Variants in NLGN1 observed in about 807,000 individuals in gnomAD.
NLGN1 encodes the protein neuroligin-1.
In NLGN1, 12 loss-of-function variants were observed where a neutral mutation model predicts 65.5. That is an observed-to-expected ratio of 0.18 (90% CI 0.12 to 0.30). The LOEUF (loss-of-function observed/expected upper bound fraction) is 0.30. Among genes scored for constraint, NLGN1 ranks in the 10% least tolerant of loss-of-function variants. NLGN1 has a pLI of 1.00. For synonymous variants in NLGN1, 350 were observed against 359.5 expected (o/e 0.97, Z 0.30); for missense variants, 750 against 1,007.1 (o/e 0.74, Z 3.46).
At chr3:174,221,935 A>G (rs1402068086) in intron 4 of NLGN1, among the ~76,000 whole-genome samples, 1 of 152,088 alleles carries the variant, frequency 6.6e-6, no homozygotes, top group African/African-American at 2.4e-5. Context: ...TTCATTTTAT[A>G]AAGACATCTG....
chr3:173,708,721 G>A (rs965379347), intron 3 of NLGN1, among the ~76,000 whole-genome samples: 1 of 152,142 alleles, frequency 6.6e-6, no homozygotes, highest in Non-Finnish European at 1.5e-5. Context: ...CTGACGTACA[G>A]GACCCAGGGG....
chr3:174,151,227 C>T (rs1483558963), intron 4 of NLGN1, among the ~76,000 whole-genome samples: 1 of 152,010 alleles, frequency 6.6e-6, no homozygotes, highest in Non-Finnish European at 1.5e-5. Flanking sequence ...TCCTCACTTA[C>T]CCTCACTTTT....
chr3:173,626,796 T>C (rs887447973), intron 3 of NLGN1, among the ~76,000 whole-genome samples: 1 of 152,112 alleles, frequency 6.6e-6, no homozygotes, highest in African/African-American at 2.4e-5. Context: ...ACACCTTTTC[T>C]TCGGGAGATT....
chr3:173,778,274 G>T (rs190290270), intron 3 of NLGN1, among the ~76,000 whole-genome samples: 4 of 151,838 alleles, frequency 2.6e-5, no homozygotes, highest in Admixed American at 2.0e-4. Context: ...CTCTTTTTTA[G>T]TTGAAATTTA....
At chr3:174,152,087 T>A (rs1421553967) in intron 4 of NLGN1, among the ~76,000 whole-genome samples, 1 of 152,094 alleles carries the variant, frequency 6.6e-6, no homozygotes, top group East Asian at 1.9e-4. Context: ...CCAGAACAAG[T>A]CTGATATTTG....
At chr3:174,146,151 T>TTCCTC (rs1723230697) in intron 4 of NLGN1, among the ~76,000 whole-genome samples, 1 of 134,344 alleles carries the variant, frequency 7.4e-6, no homozygotes, top group African/African-American at 3.3e-5. Context: ...CTTCCTTCCT[T>TTCCTC]CCTCTCTCCC....
chr3:174,276,423 A>G (rs988425499), intron 5 of NLGN1, among the ~76,000 whole-genome samples: 1 of 151,910 alleles, frequency 6.6e-6, no homozygotes, highest in Non-Finnish European at 1.5e-5. Flanking sequence ...TTATTTATGT[A>G]TGATAGGAAG....
intron 4 of NLGN1, among the ~76,000 whole-genome samples, chr3:173,830,019 G>GGT (rs58524463): frequency 0.033 from 4,590 of 140,596 alleles, 323 homozygotes; most frequent in African/African-American, 0.12. Flanking sequence ...GGGGGGGGAG[G>GGT]GAGAGAATAA....
intron 4 of NLGN1, among the ~76,000 whole-genome samples, chr3:173,929,948 G>A (rs955460619): frequency 2.6e-5 from 4 of 151,766 alleles, no homozygotes; most frequent in Admixed American, 2.0e-4. Flanking sequence ...AGGTGGATCC[G>A]CCTGCCTCAG....
intron 2 of NLGN1, among the ~76,000 whole-genome samples, chr3:173,527,765 T>TA (rs1396804496): frequency 6.6e-6 from 1 of 152,184 alleles, no homozygotes; most frequent in African/African-American, 2.4e-5. Context: ...ATATTCTGGT[T>TA]ATTAACCCTC....
intron 4 of NLGN1, among the ~76,000 whole-genome samples, chr3:174,139,339 G>A (rs189212544): frequency 2.2e-3 from 328 of 152,084 alleles, no homozygotes; most frequent in Non-Finnish European, 3.8e-3. Flanking sequence ...GATTTTTCCA[G>A]GAAGACATAT....
At chr3:173,707,029 G>T (rs1768148526) in intron 3 of NLGN1, among the ~76,000 whole-genome samples, 1 of 152,100 alleles carries the variant, frequency 6.6e-6, no homozygotes, top group Non-Finnish European at 1.5e-5. Context: ...GAACTTATAT[G>T]GTGCCTTATA....
chr3:173,467,162 A>G (rs1026959786), intron 2 of NLGN1, among the ~76,000 whole-genome samples: 1 of 152,236 alleles, frequency 6.6e-6, no homozygotes, highest in African/African-American at 2.4e-5. Context: ...TTTTTAATCA[A>G]ATATATGTTA....
chr3:173,861,556 G>A (rs369410605), intron 4 of NLGN1, among the ~76,000 whole-genome samples: 1,963 of 112,874 alleles, frequency 0.017, 41 homozygotes, highest in African/African-American at 0.056. Flanking sequence ...GTGTGTGTGT[G>A]TATATACACA....
chr3:173,742,463 C>T (rs1774800296), intron 3 of NLGN1, among the ~76,000 whole-genome samples: 1 of 152,082 alleles, frequency 6.6e-6, no homozygotes, highest in South Asian at 2.1e-4. Flanking sequence ...ATTTTATATG[C>T]AATGTCTCAA....
intron 4 of NLGN1, among the ~76,000 whole-genome samples, chr3:173,848,255 G>C (rs12490781): frequency 0.18 from 27,190 of 152,082 alleles, 2,900 homozygotes; most frequent in East Asian, 0.37. Context: ...GAACTCAATA[G>C]TAGCCATTAA....
intron 4 of NLGN1, among the ~76,000 whole-genome samples, chr3:173,832,581 CAAG>C (rs1340480917): frequency 6.6e-6 from 1 of 152,138 alleles, no homozygotes; most frequent in Non-Finnish European, 1.5e-5. Flanking sequence ...CTTTAAAGAA[CAAG>C]AAGACTATTC....
At chr3:173,451,635 T>C (rs924020886) in intron 2 of NLGN1, among the ~76,000 whole-genome samples, 2 of 152,154 alleles carry the variant, frequency 1.3e-5, no homozygotes. Flanking sequence ...CGTCTTTTGT[T>C]TGTCTGTGCC....
At chr3:173,536,329 T>C (rs1737424595) in intron 2 of NLGN1, among the ~76,000 whole-genome samples, 1 of 152,220 alleles carries the variant, frequency 6.6e-6, no homozygotes. Flanking sequence ...TTAATTGTGA[T>C]GTTCCGTTTT....
Sources: allele counts gnomAD v4.1 joint callset (sites outside exome capture counted in the v4.1 genomes callset), GRCh38; gene constraint gnomAD v4.1.1; transcripts MANE v1.5; gene names NCBI Gene and HGNC (gene_info 2026-07-23, HGNC 2026-07-21).